Variants in SLC6A4 observed in about 807,000 individuals in gnomAD.
SLC6A4 encodes sodium-dependent serotonin transporter.
A neutral mutation model predicts 73.4 loss-of-function variants in SLC6A4; 22 were observed. The ratio of observed to expected loss-of-function variants is 0.30; its 90% CI spans 0.21 to 0.43. The LOEUF is 0.43. Ranked by LOEUF, SLC6A4 falls within the 20% of genes least tolerant of loss-of-function variation. SLC6A4 has a pLI of 1.00. For missense variants in SLC6A4, 593 were observed against 808.5 expected, an observed-to-expected ratio of 0.73 and a Z score of 3.23; for synonymous variants, 270 against 315.5, an observed-to-expected ratio of 0.86 and a Z score of 1.53.
chr17:30,200,811 C>T (rs977051085), intron 14 of SLC6A4, among the ~76,000 whole-genome samples: 1 of 152,166 alleles, frequency 6.6e-6, no homozygotes, highest in Non-Finnish European at 1.5e-5. Flanking sequence ...CAGAGTCTCG[C>T]TCTGTTGCCC....
At position 30,218,082 on chromosome 17, in the gene SLC6A4, C is replaced by T. The variant is rs1174676456; in HGVS notation, c.698+36G>A. On this transcript the variant is annotated intron_variant, in intron 5 of 14. Coordinates refer to ENST00000650711, the MANE Select transcript of SLC6A4 (RefSeq NM_001045.6). ...GCCAAACCCCAGGGGTGTGGCCTGC[C>T]CCTAACAGGCCAACCCCTCACTTAC... 3 of 1,559,296 alleles carry T rather than the reference C, an allele frequency of 1.9e-6. No individual in the cohort carries two copies. The Admixed American group carries it at 5.0e-5, about 26-fold the overall frequency.
intron 6 of SLC6A4, among the ~76,000 whole-genome samples, chr17:30,216,488 G>A (rs997730727): frequency 2.0e-5 from 3 of 152,038 alleles, no homozygotes; most frequent in Non-Finnish European, 2.9e-5. Context: ...GGAGTATCTA[G>A]CAGGAAACAA....
rs199876253 is a variant in SLC6A4, at chr17:30,215,662, C to T, written c.1025G>A (p.Gly342Glu). The change falls in exon 8 of 15, where the codon GGG (glycine) becomes GAG (glutamate). Residue 342 changes from glycine (G) to glutamate (E), a missense_variant. Coordinates refer to ENST00000650711, the MANE Select transcript of SLC6A4 (RefSeq NM_001045.6). Reference protein sequence around the residue: ...QIFFSLGPGFGVLLAFASYNK... With the variant: ...QIFFSLGPGFEVLLAFASYNK... ...GTAGCTAGCAAAAGCCAGCAGGACC[C>T]CAAAGCCCGGACCAAGAGAGAAGAA... 1.2e-6 allele frequency: 2 copies of T among 1,614,084 alleles called. No individual in the cohort carries two copies. The highest frequency in any genetic ancestry group is 1.7e-6 in the Non-Finnish European group (2 of 1,180,016).
intron 14 of SLC6A4, among the ~76,000 whole-genome samples, chr17:30,200,534 G>A (rs964111298): frequency 3.9e-5 from 6 of 152,122 alleles, no homozygotes; most frequent in Non-Finnish European, 8.8e-5. Flanking sequence ...ACCAGTAAGC[G>A]GTGGCTCACT....
At chr17:30,214,422 CAAAAA>C (rs748274109) in intron 8 of SLC6A4, among the ~76,000 whole-genome samples, 4 of 79,534 alleles carry the variant, frequency 5.0e-5, no homozygotes, top group African/African-American at 1.6e-4. Context: ...AACTCCGTCT[CAAAAA>C]AAAAAAAAAA....
intron 1 of SLC6A4, among the ~76,000 whole-genome samples, chr17:30,226,346 T>C (rs1468954573): frequency 6.6e-6 from 1 of 152,222 alleles, no homozygotes; most frequent in Non-Finnish European, 1.5e-5. Flanking sequence ...GCCTTCTTCA[T>C]GGAGAAGCAC....
Position 30,209,236 on chromosome 17 carries a change from C to T in SLC6A4, c.1456G>A (p.Ala486Thr), listed in dbSNP as rs1253653499. Residue 486 changes from alanine to threonine, a missense_variant, in exon 12 of 15, where the codon GCC becomes ACC. Ala to Thr is a moderately conservative substitution (Grantham distance 58). Transcript: ENST00000650711. Reference protein sequence around the residue: ...GSLVTLTFGGAYVVKLLEEYA... With the variant: ...GSLVTLTFGGTYVVKLLEEYA... ...TCCTCCAGCAGCTTCACCACGTAGG[C>T]CCCTCCCTGGAGGGGAGAGCAGAGC... The T allele has an allele frequency of 6.2e-7, 1 of 1,610,384 alleles. No homozygotes were observed. The highest frequency in any genetic ancestry group is 2.2e-5 in the East Asian group (1 of 44,840).
chr17:30,212,671 T>C lies in SLC6A4; in HGVS notation c.1204+69A>G, dbSNP rs1906423687. 10 of 1,537,780 alleles carry C rather than the reference T, an allele frequency of 6.5e-6. No homozygotes were observed. In the East Asian group the frequency reaches 2.3e-4, roughly 35 times the overall value. On this transcript the variant is annotated intron_variant, in intron 9 of 14. Coordinates refer to ENST00000650711, the MANE Select transcript of SLC6A4 (RefSeq NM_001045.6). ...ATTTAGAAATAAATCAAAAGTTAGA[T>C]CTTTACAAAGATTCAAAGCAAAGCA... is the stretch of plus-strand genomic sequence containing the variant.
chr17:30,220,971 CT>C (rs776589435), intron 3 of SLC6A4, among the ~76,000 whole-genome samples: 1,988 of 113,622 alleles, frequency 0.017, 12 homozygotes, highest in African/African-American at 0.061. Context: ...GGAGATTTGA[CT>C]TTTTTTTTTT....
rs1906307288 is a variant in SLC6A4, at chr17:30,209,255, G to T, written c.1450-13C>A. 6.4e-7 allele frequency: 1 copy of T among 1,571,476 alleles called. No individual in the cohort carries two copies. The highest frequency in any genetic ancestry group is 2.2e-5 in the East Asian group (1 of 44,632). On this transcript the variant is annotated splice_polypyrimidine_tract_variant and intron_variant, in intron 11 of 14. Coordinates refer to ENST00000650711, the MANE Select transcript of SLC6A4 (RefSeq NM_001045.6). ...CGTAGGCCCCTCCCTGGAGGGGAGA[G>T]CAGAGCCTGGGTGAGGGCCCTCCAA...
chr17:30,229,529 C>T (rs768850088), intron 1 of SLC6A4, among the ~76,000 whole-genome samples: 4 of 152,004 alleles, frequency 2.6e-5, no homozygotes, highest in Admixed American at 6.5e-5. Context: ...ACAGATTCCA[C>T]GGAGGTGTCT....
Position 30,215,689 on chromosome 17 carries a change from A to G in SLC6A4, c.998T>C (p.Ile333Thr). The G allele has an allele frequency of 6.2e-7, 1 of 1,614,008 alleles. No homozygotes were observed. Among genetic ancestry groups the G allele is most frequent in the African/African-American group, 1.3e-5 (1 of 75,004 alleles). Reference sequence around the variant, plus strand: ...AAAGCCCGGACCAAGAGAGAAGAAGATCTGAGCGGCTGCATCTATCCACAC... The same window carrying G: ...AAAGCCCGGACCAAGAGAGAAGAAGGTCTGAGCGGCTGCATCTATCCACAC... ...TGVWIDAAAQ[I>T]FFSLGPGFGV... The change falls in exon 8 of 15, where the codon ATC becomes ACC. Residue 333 changes from isoleucine to threonine, a missense_variant. Ile to Thr is a moderately conservative substitution (Grantham distance 89). Transcript: ENST00000650711.
chr17:30,224,058 G>A (rs964906975), intron 1 of SLC6A4, among the ~76,000 whole-genome samples: 1 of 152,182 alleles, frequency 6.6e-6, no homozygotes, highest in Non-Finnish European at 1.5e-5. Context: ...AAAGGCCTCT[G>A]TACTTCCCTC....
intron 8 of SLC6A4, 35 bp from the exon 9 acceptor site, chr17:30,212,902 G>A (rs758920301): frequency 5.0e-6 from 8 of 1,612,194 alleles, no homozygotes; most frequent in South Asian, 1.1e-5. Context: ...GCCTGAGACA[G>A]TTCCAAGATC....
Position 30,222,090 on chromosome 17 carries a change from A to C in SLC6A4, c.-123-9T>G, listed in dbSNP as rs202174056. 7 of 1,546,284 alleles carry C rather than the reference A, an allele frequency of 4.5e-6. No individual in the cohort carries two copies. Among genetic ancestry groups the C allele is most frequent in the Non-Finnish European group, 6.1e-6 (7 of 1,140,568 alleles). Reference sequence around the variant, plus strand: ...ACACGTCGGGATTGACTCTGTTGGAAAGACACACAGAGGAAGGAGAAAAAA... The same window carrying C: ...ACACGTCGGGATTGACTCTGTTGGACAGACACACAGAGGAAGGAGAAAAAA... On this transcript the variant is annotated splice_polypyrimidine_tract_variant and intron_variant, in intron 2 of 14. Coordinates refer to ENST00000650711, the MANE Select transcript of SLC6A4 (RefSeq NM_001045.6).
chr17:30,217,027 G>A, intron 6 of SLC6A4, 139 bp downstream of exon 6: 1 of 750,092 alleles, frequency 1.3e-6, no homozygotes. Context: ...AACAAATGCG[G>A]TGAAGAGAGA....
At chr17:30,198,652 G>T in intron 14 of SLC6A4, 122 bp from the exon 15 acceptor site, 1 of 557,326 alleles carries the variant, frequency 1.8e-6, no homozygotes, top group Admixed American at 3.4e-5. Context: ...AGAGCGAGTT[G>T]GAATAGTCTC....
chr17:30,200,064 A>G (rs766405917), intron 14 of SLC6A4, among the ~76,000 whole-genome samples: 1 of 152,162 alleles, frequency 6.6e-6, no homozygotes, highest in Non-Finnish European at 1.5e-5. Flanking sequence ...ATGCTCAACT[A>G]TTAGAACTTG....
chr17:30,230,753 G>T (rs1907087601), intron 1 of SLC6A4, among the ~76,000 whole-genome samples: 1 of 152,162 alleles, frequency 6.6e-6, no homozygotes, highest in African/African-American at 2.4e-5. Flanking sequence ...GTCAGGTGAG[G>T]TGAGGCTGCT....
Sources: gnomAD v4.1 joint callset for allele counts (sites outside exome capture counted in the v4.1 genomes callset) on GRCh38, gnomAD v4.1.1 for gene constraint, MANE v1.5 for transcripts, NCBI Gene and HGNC (gene_info 2026-07-23, HGNC 2026-07-21) for gene names.